The following FBLN5 variants were observed in gnomAD, a reference collection of about 807,000 sequenced individuals.
FBLN5 encodes the protein fibulin 5.
FBLN5 carries 24 observed loss-of-function variants against 61.6 expected under a neutral mutation model. The ratio of observed to expected loss-of-function variants is 0.39; its 90% CI spans 0.28 to 0.55. The LOEUF is 0.55. FBLN5 is among the 20% of genes least tolerant of loss of function. The pLI, the probability that FBLN5 is intolerant of heterozygous loss-of-function variation, is 0.65. For synonymous variants in FBLN5, 213 were observed against 219.8 expected (o/e 0.97, Z 0.27); for missense variants, 470 against 594.1 (o/e 0.79, Z 2.17).
intron 4 of FBLN5, among the ~76,000 whole-genome samples, chr14:91,929,118 A>C (rs147219382): frequency 0.029 from 4,324 of 148,260 alleles, 75 homozygotes; most frequent in Non-Finnish European, 0.041. Flanking sequence ...CACACACCCC[A>C]CACACACACA....
At chr14:91,885,554 C>A (rs1889690497) in intron 7 of FBLN5, among the ~76,000 whole-genome samples, 1 of 152,120 alleles carries the variant, frequency 6.6e-6, no homozygotes, top group Non-Finnish European at 1.5e-5. Context: ...GGGCCACCCT[C>A]TGGGCCGTGC....
chr14:91,947,251 G>A lies in FBLN5; in HGVS notation c.-22C>T. The A allele has an allele frequency of 6.2e-7, 1 of 1,614,156 alleles. No homozygotes were observed. Among genetic ancestry groups the A allele is most frequent in the Non-Finnish European group, 8.5e-7 (1 of 1,180,024 alleles). On this transcript the variant is annotated 5_prime_UTR_variant, in exon 1 of 11. Transcript: ENST00000342058. This position sits in a 1 kb window ranked among gnomAD's most constrained non-coding sequence, Gnocchi z 4.3. ...GCATGTCCAAGACGCGCGAGGAGGA[G>A]ATGCGAAGGCGAGAAGAAAGCTCGC...
rs79375113 is a variant in FBLN5, at chr14:91,869,898, C to G, written c.*326G>C. On this transcript the variant is annotated 3_prime_UTR_variant, in exon 11 of 11. Coordinates refer to ENST00000342058, the MANE Select transcript of FBLN5 (RefSeq NM_006329.4). ...TGTTCACAGTCTTTGAACATAGACT[C>G]AGACCCCCGCAAACCTAATCTATTT... 8.2e-6 allele frequency: 3 copies of G among 366,708 alleles called. No individual in the cohort carries two copies. Among genetic ancestry groups the G allele is most frequent in the East Asian group, 1.4e-4 (2 of 14,460 alleles). 22.7% of individuals were successfully genotyped at this position (366,708 alleles called of 1,614,324 possible). A position where few individuals can be genotyped will look rare whatever the true frequency, so the allele number is the denominator to read the frequency against.
intron 3 of FBLN5, chr14:91,939,763 TAG>T: frequency 3.0e-6 from 1 of 334,498 alleles, no homozygotes; most frequent in Non-Finnish European, 5.8e-6. Context: ...AATCTCTTCC[TAG>T]TCCTCAGAAC....
Position 91,943,197 on chromosome 14 carries a change from G to C in FBLN5, c.18-236C>G, listed in dbSNP as rs2056134119. On this transcript the variant is annotated intron_variant, in intron 1 of 10. Coordinates refer to ENST00000342058, the MANE Select transcript of FBLN5 (RefSeq NM_006329.4). This position sits in a 1 kb window ranked among gnomAD's most constrained non-coding sequence, Gnocchi z 4.0. Reference sequence around the variant, plus strand: ...GTGTTAGATCACACTTTTTAATAAAGGGTTTGGCTGCTTCAAAAAAAAAAG... The same window carrying C: ...GTGTTAGATCACACTTTTTAATAAACGGTTTGGCTGCTTCAAAAAAAAAAG... Among the ~76,000 whole-genome samples the C allele has an allele frequency of 6.6e-6, 1 of 151,898 alleles. No individual in the cohort carries two copies. The highest frequency in any genetic ancestry group is 2.1e-4 in the South Asian group (1 of 4,800).
At chr14:91,871,949 C>T (rs1386442569) in intron 10 of FBLN5, among the ~76,000 whole-genome samples, 3 of 152,092 alleles carry the variant, frequency 2.0e-5, no homozygotes, top group Non-Finnish European at 2.9e-5. Context: ...CAGGGAGCTT[C>T]TTATAAATGC....
Position 91,894,968 on chromosome 14 carries a change from G to A in FBLN5, c.484C>T (p.Leu162=), listed in dbSNP as rs1127849. The A allele has an allele frequency of 1.1e-4, 181 of 1,613,972 alleles. No homozygotes were observed. Among genetic ancestry groups the A allele is most frequent in the Non-Finnish European group, 1.4e-4 (170 of 1,180,000 alleles). The change falls in exon 5 of 11, where the codon CTG becomes TTG. Residue 162 remains leucine, a synonymous_variant. Coordinates refer to ENST00000342058, the MANE Select transcript of FBLN5 (RefSeq NM_006329.4). ...CTGTTACCTAAGCACTGGCCTTCCA[G>A]AAGCCAATATCCGTCGGTGCAGGAG... ...TCSCTDGYWL[L]EGQCLDIDEC...
intron 4 of FBLN5, among the ~76,000 whole-genome samples, chr14:91,896,077 T>A (rs1890213147): frequency 6.6e-6 from 1 of 152,128 alleles, no homozygotes; most frequent in Admixed American, 6.5e-5. Flanking sequence ...CGAGCCATAT[T>A]CATGGTCATT....
chr14:91,915,277 T>C (rs1046131343), intron 4 of FBLN5, among the ~76,000 whole-genome samples: 9 of 152,036 alleles, frequency 5.9e-5, no homozygotes, highest in African/African-American at 1.9e-4. Context: ...AAGAAAAAGC[T>C]TATGCAAATG....
chr14:91,937,003 G>T lies in FBLN5; in HGVS notation c.323C>A (p.Ser108Tyr). The change falls in exon 4 of 11, where the codon TCC becomes TAC. Residue 108 changes from serine (S) to tyrosine (Y), a missense_variant. By Grantham distance (144) the Ser-to-Tyr change is moderately radical. Transcript: ENST00000342058. ...TCCAAAGCGGCATATAAGAGGCCTG[G>T]AGATCGTGGGATAGTTTGGAGCTGA... ...PLSAPNYPTI[S>Y]RPLICRFGYQ... is the part of the protein sequence containing the mutation. The T allele has an allele frequency of 6.2e-7, 1 of 1,614,160 alleles. No individual in the cohort carries two copies. Among genetic ancestry groups the T allele is most frequent in the Non-Finnish European group, 8.5e-7 (1 of 1,180,022 alleles).
At chr14:91,940,775 C>G in intron 2 of FBLN5, among the ~76,000 whole-genome samples, 159 bp from the exon 3 acceptor site, 1 of 151,996 alleles carries the variant, frequency 6.6e-6, no homozygotes, top group African/African-American at 2.4e-5. Flanking sequence ...AAAATTTTTC[C>G]TTGTAATTAT....
intron 4 of FBLN5, among the ~76,000 whole-genome samples, chr14:91,936,147 GA>G (rs2056011415): frequency 6.6e-6 from 1 of 151,992 alleles, no homozygotes; most frequent in Admixed American, 6.6e-5. Flanking sequence ...ACAAAAATGG[GA>G]AAAACAAAAA....
Position 91,894,812 on chromosome 14 carries a change from T to C in FBLN5, c.502+138A>G, listed in dbSNP as rs553365204. The stretch of plus-strand genomic sequence containing the variant: ...AGGGTGGTTACACATGTGAGTTCAA[T>C]AGCCTTCCACCCCTCCCGCCCTCCC... On this transcript the variant is annotated intron_variant, in intron 5 of 10. Coordinates refer to ENST00000342058, the MANE Select transcript of FBLN5 (RefSeq NM_006329.4). The C allele has an allele frequency of 1.0e-5, 8 of 762,072 alleles. No individual in the cohort carries two copies. In the East Asian group the frequency reaches 1.4e-4, roughly 13 times the overall value. The allele number at this position is 762,072 out of a possible 1,614,324, so 47.2% of individuals were successfully genotyped here. A position where few individuals can be genotyped will look rare whatever the true frequency, so the allele number is the denominator to read the frequency against.
At chr14:91,893,381 C>T (rs2267996) in intron 5 of FBLN5, among the ~76,000 whole-genome samples, 16,065 of 152,192 alleles carry the variant, frequency 0.11, 881 homozygotes, top group Middle Eastern at 0.12. Context: ...TTCACAGACG[C>T]CCATGTGCAA....
chr14:91,891,361 G>A (rs1200011198), intron 5 of FBLN5, 24 bp from the exon 6 acceptor site: 1 of 1,442,470 alleles, frequency 6.9e-7, no homozygotes, highest in South Asian at 1.1e-5. Flanking sequence ...TGCAAGCAAA[G>A]TGAGACAGGT....
chr14:91,918,121 G>A (rs556892669), intron 4 of FBLN5, among the ~76,000 whole-genome samples: 1 of 152,248 alleles, frequency 6.6e-6, no homozygotes, highest in African/African-American at 2.4e-5. Flanking sequence ...CTGTTTCAAG[G>A]GACAGTCCTC....
chr14:91,893,121 CTG>C lies in FBLN5; in HGVS notation c.503-1786_503-1785del, dbSNP rs1890066317. Reference sequence around the variant, plus strand: ...CTTGTGGTGGGAAAAAAAAACTAGACTGAGACACGGGAGACTTGGAAGTTAGA... The same window carrying C: ...CTTGTGGTGGGAAAAAAAAACTAGACAGACACGGGAGACTTGGAAGTTAGA... On this transcript the variant is annotated intron_variant, in intron 5 of 10. Coordinates refer to ENST00000342058, the MANE Select transcript of FBLN5 (RefSeq NM_006329.4). Among the ~76,000 whole-genome samples the C allele has an allele frequency of 2.0e-5, 3 of 152,306 alleles. No individual in the cohort carries two copies. In the South Asian group the frequency reaches 6.2e-4, roughly 32 times the overall value.
intron 4 of FBLN5, among the ~76,000 whole-genome samples, chr14:91,916,922 C>T (rs1891218454): frequency 6.6e-6 from 1 of 152,142 alleles, no homozygotes; most frequent in Admixed American, 6.5e-5. Flanking sequence ...AGCTTTGGAC[C>T]CACTGCTGGT....
chr14:91,890,487 C>T (rs867010542), intron 6 of FBLN5, among the ~76,000 whole-genome samples: 8 of 152,312 alleles, frequency 5.3e-5, no homozygotes, highest in Admixed American at 2.0e-4. Context: ...AGGGGGAAGT[C>T]GGGGGCCAAA....
Sources: allele counts gnomAD v4.1 joint callset (sites outside exome capture counted in the v4.1 genomes callset), GRCh38; gene constraint gnomAD v4.1.1; non-coding constraint Gnocchi (gnomAD v3.1); transcripts MANE v1.5; gene names NCBI Gene and HGNC (gene_info 2026-07-23, HGNC 2026-07-21).